Variants in COL19A1 observed in about 807,000 individuals in gnomAD.
COL19A1 encodes collagen alpha-1(XIX) chain.
A neutral mutation model predicts 190.2 loss-of-function variants in COL19A1; 159 were observed. That is an observed-to-expected ratio of 0.84 (90% CI 0.73 to 0.95). The LOEUF is 0.95. Among genes scored for constraint, COL19A1 ranks in the 40% least tolerant of loss-of-function variants. COL19A1 has a pLI of 0.00. For synonymous variants in COL19A1, 509 were observed against 458.9 expected (o/e 1.11, Z -1.39); for missense variants, 1,418 against 1,431.9 (o/e 0.99, Z 0.16).
At chr6:70,178,540 A>T (rs555059841) in intron 42 of COL19A1, among the ~76,000 whole-genome samples, 1 of 152,350 alleles carries the variant, frequency 6.6e-6, no homozygotes, top group South Asian at 2.1e-4. Context: ...CTAGAAATAG[A>T]CAATGGTGAT....
chr6:70,017,828 G>T (rs762583463), intron 11 of COL19A1, among the ~76,000 whole-genome samples: 6 of 152,124 alleles, frequency 3.9e-5, no homozygotes, highest in Non-Finnish European at 7.4e-5. Flanking sequence ...ACTAAAAGGT[G>T]TCTGATGGTG....
In COL19A1 at chr6:70,188,146, G is replaced by T. The variant is rs1478725935; in HGVS notation, c.2928G>T (p.Lys976Asn). Residue 976 changes from lysine to asparagine, a missense_variant, in exon 47 of 51, where the codon AAG becomes AAT. Coordinates refer to ENST00000620364, the MANE Select transcript of COL19A1 (RefSeq NM_001858.6). ...ERGKPGLTGM[K>N]GAIGPMGPPG... Reference sequence around the variant, plus strand: ...GAAAACCAGGCCTTACAGGCATGAAGGGGGCCATCGGTCCTATGGGTCCAC... The same window carrying T: ...GAAAACCAGGCCTTACAGGCATGAATGGGGCCATCGGTCCTATGGGTCCAC... 1 of 1,614,014 alleles carries T rather than the reference G, an allele frequency of 6.2e-7. No homozygotes were observed.
intron 11 of COL19A1, among the ~76,000 whole-genome samples, chr6:69,995,768 G>A (rs1367195440): frequency 6.6e-6 from 1 of 152,122 alleles, no homozygotes; most frequent in Non-Finnish European, 1.5e-5. Context: ...CAAGTTAAAT[G>A]TACAATCTAT....
At chr6:70,039,173 G>A (rs913503305) in intron 14 of COL19A1, among the ~76,000 whole-genome samples, 1 of 152,172 alleles carries the variant, frequency 6.6e-6, no homozygotes, top group African/African-American at 2.4e-5. Flanking sequence ...AGAATCTCCA[G>A]GGAGGGACTC....
chr6:69,960,546 T>G (rs1363583233), intron 10 of COL19A1, among the ~76,000 whole-genome samples: 1 of 151,720 alleles, frequency 6.6e-6, no homozygotes, highest in African/African-American at 2.4e-5. Flanking sequence ...AAGCAAGGAG[T>G]TTTGCATGGG....
At chr6:69,974,784 T>G (rs1245412087) in intron 11 of COL19A1, among the ~76,000 whole-genome samples, 1 of 151,856 alleles carries the variant, frequency 6.6e-6, no homozygotes, top group African/African-American at 2.4e-5. Context: ...TGACCATCTT[T>G]TGGAGAGTTT....
At chr6:70,024,634 TGTGG>T (rs1562096191) in intron 12 of COL19A1, among the ~76,000 whole-genome samples, 15 of 151,356 alleles carry the variant, frequency 9.9e-5, no homozygotes, top group African/African-American at 3.6e-4. Context: ...GGTGTGTGTG[TGTGG>T]AGTCTCCCAA....
At chr6:70,121,829 A>G in intron 16 of COL19A1, 51 bp from the exon 17 acceptor site, 1 of 1,134,732 alleles carries the variant, frequency 8.8e-7, no homozygotes, top group Non-Finnish European at 1.3e-6. Flanking sequence ...TTAAATATTC[A>G]TTGTTTTGGT....
At chr6:70,035,386 C>T (rs1327901504) in intron 13 of COL19A1, among the ~76,000 whole-genome samples, 1 of 152,168 alleles carries the variant, frequency 6.6e-6, no homozygotes, top group African/African-American at 2.4e-5. Context: ...TTCAGAAATA[C>T]ATAAATATAG....
At position 70,026,788 on chromosome 6, in the gene COL19A1, A is replaced by G. The variant is rs1000246070; in HGVS notation, c.1080+3108A>G. On this transcript the variant is annotated intron_variant, in intron 12 of 50. Coordinates refer to ENST00000620364, the MANE Select transcript of COL19A1 (RefSeq NM_001858.6). ...ATTGGCTAGTAGAGTGGGGAATGATAGTATTCGTATTTTCAGAAGCAAGAA... is the reference window on the plus strand; with the variant it reads ...ATTGGCTAGTAGAGTGGGGAATGATGGTATTCGTATTTTCAGAAGCAAGAA... 2.6e-5 allele frequency among the ~76,000 whole-genome samples: 4 copies of G among 152,296 alleles called. No individual in the cohort carries two copies. In the East Asian group the frequency reaches 7.7e-4, roughly 29 times the overall value.
At chr6:69,949,012 G>A (rs1773977190) in intron 9 of COL19A1, among the ~76,000 whole-genome samples, 1 of 151,764 alleles carries the variant, frequency 6.6e-6, no homozygotes, top group South Asian at 2.1e-4. Context: ...TAAAGAAGCA[G>A]CTGTTTTTAT....
chr6:69,929,461 GAATT>G lies in COL19A1; in HGVS notation c.428_431del (p.Glu143ValfsTer11). Reference sequence around the variant, plus strand: ...AGTTGATGGTGGAAAGAAGGTGGTGGAATTTATGTTTCAAGCCACAGAGGGAGAT... The same window carrying G: ...AGTTGATGGTGGAAAGAAGGTGGTGGTATGTTTCAAGCCACAGAGGGAGAT... On this transcript the variant is annotated frameshift_variant, in exon 6 of 51. Transcript: ENST00000620364. LOFTEE classifies it high-confidence loss of function. The G allele has an allele frequency of 6.2e-7, 1 of 1,613,908 alleles. No individual in the cohort carries two copies. The highest frequency in any genetic ancestry group is 1.1e-5 in the South Asian group (1 of 91,082).
chr6:70,144,578 CAG>C (rs1235649589), intron 24 of COL19A1, among the ~76,000 whole-genome samples: 1 of 152,144 alleles, frequency 6.6e-6, no homozygotes, highest in African/African-American at 2.4e-5. Context: ...TACATGGAAA[CAG>C]TGCATTAACG....
chr6:70,062,716 G>A (rs1034031303), intron 14 of COL19A1, among the ~76,000 whole-genome samples: 2 of 152,124 alleles, frequency 1.3e-5, no homozygotes, highest in African/African-American at 2.4e-5. Flanking sequence ...ACCCATCAGT[G>A]TGCTGTATTC....
intron 15 of COL19A1, among the ~76,000 whole-genome samples, chr6:70,082,330 C>T (rs1416672246): frequency 6.6e-6 from 1 of 152,092 alleles, no homozygotes; most frequent in Non-Finnish European, 1.5e-5. Flanking sequence ...AAAATTTCTT[C>T]TTCCATTTCC....
intron 11 of COL19A1, among the ~76,000 whole-genome samples, chr6:70,002,981 T>C (rs540100882): frequency 2.0e-5 from 3 of 152,250 alleles, no homozygotes; most frequent in South Asian, 4.1e-4. Flanking sequence ...TGTTAGGGTG[T>C]CAATTTGAGA....
chr6:69,896,321 A>G (rs904749610), intron 2 of COL19A1, among the ~76,000 whole-genome samples: 8 of 151,454 alleles, frequency 5.3e-5, no homozygotes, highest in Non-Finnish European at 1.2e-4. Context: ...GTGGATCATG[A>G]GGTCAGGAGA....
chr6:69,947,330 T>C (rs1773881408), intron 9 of COL19A1, among the ~76,000 whole-genome samples: 1 of 151,862 alleles, frequency 6.6e-6, no homozygotes, highest in Admixed American at 6.6e-5. Context: ...TTTATGTTTT[T>C]CCTGTAATAC....
chr6:70,184,138 G>GA (rs909765287), intron 44 of COL19A1, among the ~76,000 whole-genome samples: 1 of 152,110 alleles, frequency 6.6e-6, no homozygotes, highest in Non-Finnish European at 1.5e-5. Flanking sequence ...ATTTCCAACT[G>GA]AAAAATAACA....
Sources: gnomAD v4.1 joint callset for allele counts (sites outside exome capture counted in the v4.1 genomes callset) on GRCh38, gnomAD v4.1.1 for gene constraint, MANE v1.5 for transcripts, NCBI Gene and HGNC (gene_info 2026-07-23, HGNC 2026-07-21) for gene names.